SLC4A10: variants seen among roughly 807,000 people sequenced by gnomAD.
SLC4A10 encodes solute carrier family 4 member 10.
SLC4A10 carries 42 observed loss-of-function variants against 137.7 expected under a neutral mutation model. That is an observed-to-expected ratio of 0.30 (90% CI 0.24 to 0.39). SLC4A10 has a LOEUF of 0.39. Among genes scored for constraint, SLC4A10 ranks in the 10% least tolerant of loss-of-function variants. SLC4A10 has a pLI of 1.00. For synonymous variants in SLC4A10, 474 were observed against 464.1 expected (o/e 1.02, Z -0.27); for missense variants, 925 against 1,355.0 (o/e 0.68, Z 4.98).
At chr2:161,632,781 TC>T (rs1260569054) in intron 1 of SLC4A10, among the ~76,000 whole-genome samples, 2 of 151,676 alleles carry the variant, frequency 1.3e-5, no homozygotes, top group African/African-American at 4.8e-5. Context: ...TCTAGGTGAT[TC>T]TTATGTACAT....
intron 19 of SLC4A10, among the ~76,000 whole-genome samples, chr2:161,953,391 C>T (rs1216606590): frequency 1.3e-5 from 2 of 152,012 alleles, no homozygotes; most frequent in African/African-American, 4.8e-5. Flanking sequence ...AGGTGGATCA[C>T]GAGGTCAGGA....
chr2:161,840,068 T>C, intron 4 of SLC4A10, 141 bp downstream of exon 4: 1 of 942,582 alleles, frequency 1.1e-6, no homozygotes, highest in South Asian at 1.7e-5. Flanking sequence ...GAGCATATCC[T>C]ATAACGGGAT....
chr2:161,974,255 C>G lies in SLC4A10; in HGVS notation c.3166C>G (p.Gln1056Glu), dbSNP rs142943771. The stretch of plus-strand genomic sequence containing the variant: ...TTTACATTTGTCTTTTCAGGAAGAA[C>G]AAAGTATGCTAGCTATGGAAGATGA... The part of the protein sequence containing the change: ...KLEDAEKEEE[Q>E]SMLAMEDEGT... The change falls in exon 24 of 27, where the codon CAA becomes GAA. Residue 1056 changes from glutamine to glutamate, a missense_variant. Gln to Glu is a conservative substitution (Grantham distance 29, BLOSUM62 2). Coordinates refer to ENST00000446997, the MANE Select transcript of SLC4A10 (RefSeq NM_001178015.2). 489 of 1,605,336 alleles carry G rather than the reference C, an allele frequency of 3.0e-4. 1 individual carries two copies. The African/African-American group carries it at 5.0e-3, about 16-fold the overall frequency.
At chr2:161,719,834 T>G (rs2125110260) in intron 1 of SLC4A10, among the ~76,000 whole-genome samples, 1 of 152,010 alleles carries the variant, frequency 6.6e-6, no homozygotes, top group South Asian at 2.1e-4. Context: ...TTTTCTCCCA[T>G]TTTGTAGGTT....
At chr2:161,786,265 T>C (rs1449112361) in intron 2 of SLC4A10, among the ~76,000 whole-genome samples, 1 of 152,010 alleles carries the variant, frequency 6.6e-6, no homozygotes, top group Non-Finnish European at 1.5e-5. Flanking sequence ...TTGTTTTCCA[T>C]TGTGTGATAT....
chr2:161,670,633 A>C (rs1362629307), intron 1 of SLC4A10, among the ~76,000 whole-genome samples: 1 of 152,108 alleles, frequency 6.6e-6, no homozygotes, highest in Non-Finnish European at 1.5e-5. Context: ...TATAAATACT[A>C]ACAAGGTATT....
chr2:161,756,060 C>G (rs914162432), intron 1 of SLC4A10, among the ~76,000 whole-genome samples: 2 of 152,080 alleles, frequency 1.3e-5, no homozygotes, highest in Admixed American at 1.3e-4. Flanking sequence ...TGAGCCACCG[C>G]ACCTGGCCCC....
At chr2:161,862,805 A>G (rs986389060) in intron 5 of SLC4A10, 69 bp from the exon 6 acceptor site, 4 of 1,261,316 alleles carry the variant, frequency 3.2e-6, no homozygotes, top group Non-Finnish European at 4.2e-6. Context: ...ATTTGGACTC[A>G]GTGGTTCACG....
chr2:161,817,187 T>C (rs1358031455), intron 3 of SLC4A10, among the ~76,000 whole-genome samples: 1 of 152,226 alleles, frequency 6.6e-6, no homozygotes, highest in Non-Finnish European at 1.5e-5. Flanking sequence ...TGGTATGAGA[T>C]GGTATCTCAT....
intron 23 of SLC4A10, among the ~76,000 whole-genome samples, chr2:161,974,012 A>G (rs188441865): frequency 6.6e-6 from 1 of 152,228 alleles, no homozygotes; most frequent in Admixed American, 6.5e-5. Flanking sequence ...ATTGAGTGAC[A>G]TGAAGGAGAT....
intron 15 of SLC4A10, among the ~76,000 whole-genome samples, chr2:161,937,927 C>A (rs1242738960): frequency 6.6e-6 from 1 of 152,044 alleles, no homozygotes; most frequent in Non-Finnish European, 1.5e-5. Context: ...CCATACCCCA[C>A]CCAAATTCAT....
chr2:161,984,949 A>G lies in SLC4A10; in HGVS notation c.*1797A>G, dbSNP rs190267643. On this transcript the variant is annotated 3_prime_UTR_variant, in exon 27 of 27. Transcript: ENST00000446997. Reference sequence around the variant, plus strand: ...CATAGTGAATTTAAATCTTCACATGATCACCTATTTGAATAAGCAATCATA... The same window carrying G: ...CATAGTGAATTTAAATCTTCACATGGTCACCTATTTGAATAAGCAATCATA... 50 of 152,168 alleles carry G rather than the reference A, an allele frequency of 3.3e-4. No individual in the cohort carries two copies. The highest frequency in any genetic ancestry group is 1.2e-3 in the African/African-American group (49 of 41,572). The allele number at this position is 152,168 out of a possible 1,614,324, so 9.4% of individuals were successfully genotyped here.
At chr2:161,879,327 C>A in intron 9 of SLC4A10, 39 bp downstream of exon 9, 1 of 1,530,110 alleles carries the variant, frequency 6.5e-7, no homozygotes, top group South Asian at 1.3e-5. Flanking sequence ...TTTTCTTAAA[C>A]CATCTTTTCA....
chr2:161,705,126 T>C (rs2043517325), intron 1 of SLC4A10, among the ~76,000 whole-genome samples: 1 of 151,634 alleles, frequency 6.6e-6, no homozygotes, highest in Non-Finnish European at 1.5e-5. Flanking sequence ...TTCTTATAGT[T>C]TTTTTACTGT....
At chr2:161,835,047 T>C (rs1020326780) in intron 3 of SLC4A10, among the ~76,000 whole-genome samples, 5 of 151,634 alleles carry the variant, frequency 3.3e-5, no homozygotes, top group Admixed American at 3.3e-4. Context: ...GTCTTTTTTT[T>C]TTTTTTTTGA....
chr2:161,701,321 T>A (rs557391762), intron 1 of SLC4A10, among the ~76,000 whole-genome samples: 89 of 152,164 alleles, frequency 5.8e-4, no homozygotes, highest in Non-Finnish European at 9.9e-4. Flanking sequence ...TGTGTTAGAA[T>A]TTAAAAAGAC....
chr2:161,635,315 A>G (rs2034233778), intron 1 of SLC4A10, among the ~76,000 whole-genome samples: 1 of 152,100 alleles, frequency 6.6e-6, no homozygotes, highest in Non-Finnish European at 1.5e-5. Context: ...TGGTAGAGAA[A>G]GACTCTCTGG....
chr2:161,786,507 T>A (rs1431300480), intron 2 of SLC4A10, among the ~76,000 whole-genome samples: 1 of 151,988 alleles, frequency 6.6e-6, no homozygotes, highest in Admixed American at 6.6e-5. Flanking sequence ...TATAGGATCT[T>A]TGGATTTTGT....
intron 1 of SLC4A10, 62 bp downstream of exon 1, chr2:161,624,628 C>A: frequency 6.5e-7 from 1 of 1,549,304 alleles, no homozygotes; most frequent in Non-Finnish European, 8.7e-7. Context: ...GTTAGGCAAG[C>A]GGTCTGCTAG....
Sources: allele counts gnomAD v4.1 joint callset (sites outside exome capture counted in the v4.1 genomes callset), GRCh38; gene constraint gnomAD v4.1.1; transcripts MANE v1.5; gene names NCBI Gene and HGNC (gene_info 2026-07-23, HGNC 2026-07-21).